PCDH15: variants seen among roughly 807,000 people sequenced by gnomAD.
PCDH15 encodes protocadherin-15.
In PCDH15, 129 loss-of-function variants were observed where a neutral mutation model predicts 178.5. The observed-to-expected ratio is 0.72, with a 90% CI of 0.63 to 0.84. The LOEUF (loss-of-function observed/expected upper bound fraction) is 0.84, where lower values mean the gene tolerates loss of function less well. Ranked by LOEUF, PCDH15 falls within the 40% of genes least tolerant of loss-of-function variation. The pLI, the probability that PCDH15 is intolerant of heterozygous loss-of-function variation, is 0.00. For missense variants in PCDH15, 2,230 were observed against 2,099.9 expected (o/e 1.06, Z -1.21); for synonymous variants, 800 against 732.0 (o/e 1.09, Z -1.50).
At chr10:53,913,458 G>T (rs1000582011) in intron 25 of PCDH15, among the ~76,000 whole-genome samples, 3 of 151,946 alleles carry the variant, frequency 2.0e-5, no homozygotes, top group Non-Finnish European at 4.4e-5. Context: ...TTCTAGCCGG[G>T]CGCGGTGGCT....
At chr10:53,828,211 A>C (rs1232798558) in intron 31 of PCDH15, among the ~76,000 whole-genome samples, 1 of 37,218 alleles carries the variant, frequency 2.7e-5, no homozygotes, top group African/African-American at 1.4e-4. Flanking sequence ...CCGTCTCAAA[A>C]AAAAAAAAAA....
At chr10:55,088,529 C>T (rs910271425) in intron 2 of PCDH15, among the ~76,000 whole-genome samples, 2 of 152,016 alleles carry the variant, frequency 1.3e-5, no homozygotes, top group African/African-American at 4.8e-5. Flanking sequence ...CTGCCTTGGA[C>T]TCCTATAGTG....
At chr10:54,474,460 TATG>T (rs1238266575) in intron 3 of PCDH15, among the ~76,000 whole-genome samples, 3 of 151,970 alleles carry the variant, frequency 2.0e-5, no homozygotes, top group Non-Finnish European at 4.4e-5. Context: ...AAGTCACCTC[TATG>T]AAAGTATTTA....
intron 1 of PCDH15, among the ~76,000 whole-genome samples, chr10:55,281,776 A>G (rs541276754): frequency 1.3e-5 from 2 of 152,296 alleles, no homozygotes; most frequent in East Asian, 3.9e-4. Context: ...ACACAAAAAG[A>G]GTCCTATTCC....
chr10:54,953,419 T>C (rs1838396234), intron 2 of PCDH15, among the ~76,000 whole-genome samples: 1 of 151,522 alleles, frequency 6.6e-6, no homozygotes, highest in Non-Finnish European at 1.5e-5. Context: ...TTCAATTTGC[T>C]AGTATTTTGT....
intron 32 of PCDH15, chr10:53,821,836 G>C: frequency 6.2e-7 from 1 of 1,610,832 alleles, no homozygotes. Context: ...AGGTTTGCCC[G>C]ACTAAAATAA....
intron 1 of PCDH15, among the ~76,000 whole-genome samples, chr10:54,793,079 A>G (rs1487240078): frequency 6.6e-6 from 1 of 151,786 alleles, no homozygotes; most frequent in Non-Finnish European, 1.5e-5. Flanking sequence ...GCTCCACTCC[A>G]CTACTCCATG....
At chr10:54,588,076 T>A (rs958315818) in intron 2 of PCDH15, among the ~76,000 whole-genome samples, 2 of 152,200 alleles carry the variant, frequency 1.3e-5, no homozygotes, top group African/African-American at 2.4e-5. Context: ...TCAGCTGAGA[T>A]TATCATGTTT....
At position 55,523,830 on chromosome 10, in the gene PCDH15, T is replaced by C. The variant is rs956101818; in HGVS notation, c.-156+103795A>G. 2.6e-5 allele frequency among the ~76,000 whole-genome samples: 4 copies of C among 151,700 alleles called. No individual in the cohort carries two copies. The East Asian group carries it at 5.8e-4, about 22-fold the overall frequency. On this transcript the variant is annotated intron_variant, in intron 2 of 5. Transcript: ENST00000613346. ...CTCTATTGTAGTAACACATGCTCAA[T>C]TGCATTTTTTCCCTACAATAATGTT...
chr10:55,098,894 A>ACGAGAGAGAGAGAGAGAGAG (rs1216610604), intron 2 of PCDH15, among the ~76,000 whole-genome samples: 3 of 46,234 alleles, frequency 6.5e-5, no homozygotes, highest in African/African-American at 3.5e-4. Flanking sequence ...TAAAACTTCA[A>ACGAGAGAGAGAGAGAGAGAG]TGAGAGAGAG....
At chr10:55,337,930 C>G (rs1039928285) in intron 2 of PCDH15, among the ~76,000 whole-genome samples, 5 of 151,834 alleles carry the variant, frequency 3.3e-5, no homozygotes, top group African/African-American at 7.3e-5. Context: ...GGCTTAATAA[C>G]CAGAATATAT....
At chr10:53,987,527 T>G (rs1328462247) in intron 21 of PCDH15, among the ~76,000 whole-genome samples, 1 of 133,704 alleles carries the variant, frequency 7.5e-6, no homozygotes, top group Non-Finnish European at 1.5e-5. Flanking sequence ...CCATAAATTA[T>G]TTTTAAATAA....
At chr10:54,695,817 T>C (rs2095214434) in intron 1 of PCDH15, among the ~76,000 whole-genome samples, 1 of 152,078 alleles carries the variant, frequency 6.6e-6, no homozygotes. Flanking sequence ...ACAAGATAGA[T>C]ATGAATATTA....
intron 1 of PCDH15, among the ~76,000 whole-genome samples, chr10:55,192,881 A>G (rs1839981669): frequency 6.6e-6 from 1 of 151,452 alleles, no homozygotes; most frequent in Non-Finnish European, 1.5e-5. Flanking sequence ...ATGTATATAC[A>G]TATATAATCT....
intron 5 of PCDH15, among the ~76,000 whole-genome samples, chr10:54,350,741 G>C (rs1029765991): frequency 6.6e-6 from 1 of 152,200 alleles, no homozygotes; most frequent in African/African-American, 2.4e-5. Context: ...CCAGCACTTT[G>C]GGAGGCTGAG....
intron 1 of PCDH15, among the ~76,000 whole-genome samples, chr10:54,763,901 G>A (rs546887206): frequency 2.0e-5 from 3 of 151,136 alleles, no homozygotes; most frequent in Middle Eastern, 3.5e-3. Flanking sequence ...AGTTTCATGA[G>A]AAATCTGCAG....
At chr10:54,101,851 T>C (rs1043725889) in intron 15 of PCDH15, among the ~76,000 whole-genome samples, 1 of 151,930 alleles carries the variant, frequency 6.6e-6, no homozygotes, top group African/African-American at 2.4e-5. Flanking sequence ...GTTGTGCAAC[T>C]GTAGTCTCAG....
At chr10:54,673,826 TAATAA>T (rs1458257952) in intron 1 of PCDH15, among the ~76,000 whole-genome samples, 1 of 152,194 alleles carries the variant, frequency 6.6e-6, no homozygotes, top group East Asian at 1.9e-4. Flanking sequence ...AAACTGTCAT[TAATAA>T]AATATTTGTT....
intron 2 of PCDH15, among the ~76,000 whole-genome samples, chr10:55,350,773 T>C (rs67982768): frequency 0.18 from 26,768 of 152,058 alleles, 2,461 homozygotes; most frequent in South Asian, 0.24. Flanking sequence ...GTTGAAAAAT[T>C]ATCTGAATGT....
Sources: allele counts gnomAD v4.1 joint callset (sites outside exome capture counted in the v4.1 genomes callset), GRCh38; gene constraint gnomAD v4.1.1; transcripts MANE v1.5; gene names NCBI Gene and HGNC (gene_info 2026-07-23, HGNC 2026-07-21).